Variants in ASMTL observed in about 807,000 individuals in gnomAD.
ASMTL encodes the protein acetylserotonin O-methyltransferase like, also known as probable bifunctional dTTP/UTP pyrophosphatase/methyltransferase protein.
Under a neutral mutation model 60.3 loss-of-function variants are expected in ASMTL, and 57 were observed. That is an observed-to-expected ratio of 0.95 (90% CI 0.76 to 1.18). The LOEUF (loss-of-function observed/expected upper bound fraction) is 1.18, where lower values mean the gene tolerates loss of function less well. ASMTL is among the 50% of genes most tolerant of loss of function. The pLI is 0.00. For missense variants in ASMTL, 981 were observed against 852.6 expected, an observed-to-expected ratio of 1.15 and a Z score of -1.88; for synonymous variants, 419 against 373.0, an observed-to-expected ratio of 1.12 and a Z score of -1.42.
intron 11 of ASMTL, among the ~76,000 whole-genome samples, chrX:1,415,899 C>T (rs2090228611): frequency 6.6e-6 from 1 of 152,062 alleles, no homozygotes; most frequent in African/African-American, 2.4e-5. Flanking sequence ...GAAATGCAGA[C>T]ACAAAGGCAC....
intron 1 of ASMTL, among the ~76,000 whole-genome samples, chrX:1,449,437 C>T (rs770022686): frequency 1.3e-5 from 2 of 151,946 alleles, no homozygotes; most frequent in East Asian, 3.9e-4. Flanking sequence ...ATCATGGAGA[C>T]CCATGCCTTC....
At chrX:1,419,804 G>A (rs2090423578) in intron 9 of ASMTL, among the ~76,000 whole-genome samples, 1 of 152,210 alleles carries the variant, frequency 6.6e-6, no homozygotes, top group Admixed American at 6.5e-5. Context: ...TGCGTGGGTG[G>A]CAATCATGGG....
rs1373281669 is a variant in ASMTL at position 1,439,189 on chromosome X, T to A, written c.226-45A>T. The stretch of plus-strand genomic sequence containing the variant: ...CGGTTTACCGGTGACGTGCCGTGGG[T>A]CTCACAGAGAAGTTTTCCCGTCGGT... On this transcript the variant is annotated intron_variant, in intron 2 of 12. Coordinates refer to ENST00000381317, the MANE Select transcript of ASMTL (RefSeq NM_004192.4). 5 of 1,605,602 alleles carry A rather than the reference T, an allele frequency of 3.1e-6. No homozygotes were observed. In the African/African-American group the frequency reaches 5.4e-5, roughly 17 times the overall value.
At chrX:1,416,073 A>G (rs1375977628) in intron 11 of ASMTL, among the ~76,000 whole-genome samples, 1 of 151,826 alleles carries the variant, frequency 6.6e-6, no homozygotes, top group African/African-American at 2.4e-5. Flanking sequence ...AGACATGCAC[A>G]GATGGGCACA....
chrX:1,413,207 G>A lies in ASMTL; in HGVS notation c.1523-353C>T, dbSNP rs184559443. On this transcript the variant is annotated intron_variant, in intron 11 of 12. Transcript: ENST00000381317. ...GCGAAACCCCATCTCTACTAAAAAT[G>A]CAAATTAGCTGGACAGGGGTGGCGG... is the stretch of plus-strand genomic sequence containing the variant. 2.1e-3 allele frequency: 502 copies of A among 234,448 alleles called. 3 individuals are homozygous for A. Among genetic ancestry groups the A allele is most frequent in the African/African-American group, 0.01 (464 of 45,344 alleles). 14.5% of individuals were successfully genotyped at this position (234,448 alleles called of 1,614,324 possible). A position where few individuals can be genotyped will look rare whatever the true frequency, so the allele number is the denominator to read the frequency against.
chrX:1,442,961 A>T (rs1394661848), intron 1 of ASMTL, among the ~76,000 whole-genome samples: 1 of 146,636 alleles, frequency 6.8e-6, no homozygotes, highest in Non-Finnish European at 1.5e-5. Context: ...CTCCCCTCTG[A>T]CCATCTCCCC....
At chrX:1,451,818 G>A (rs2091396466) in intron 1 of ASMTL, among the ~76,000 whole-genome samples, 1 of 144,834 alleles carries the variant, frequency 6.9e-6, no homozygotes, top group African/African-American at 2.6e-5. Context: ...CCCATGCCTG[G>A]GGGTCCCGGG....
At position 1,452,893 on chromosome X, in the gene ASMTL, T is replaced by TGCGCGCA; in HGVS notation, c.-60_-54dup. 7.3e-7 allele frequency: 1 copy of TGCGCGCA among 1,377,794 alleles called. No individual in the cohort carries two copies. Among genetic ancestry groups the TGCGCGCA allele is most frequent in the South Asian group, 1.3e-5 (1 of 75,016 alleles). The allele number at this position is 1,377,794 out of a possible 1,614,324, so 85.3% of individuals were successfully genotyped here. A position where few individuals can be genotyped will look rare whatever the true frequency, so the allele number is the denominator to read the frequency against. On this transcript the variant is annotated 5_prime_UTR_variant, in exon 1 of 13. Coordinates refer to ENST00000381317, the MANE Select transcript of ASMTL (RefSeq NM_004192.4). ...GCACTTCTGAGCCCGGAGCCCGCGG[T>TGCGCGCA]GCGCGCAGCGCGGCTGCAAAAAAAA...
intron 8 of ASMTL, among the ~76,000 whole-genome samples, chrX:1,424,738 A>ACATC (rs1161670192): frequency 5.2e-5 from 7 of 133,936 alleles, no homozygotes; most frequent in African/African-American, 2.0e-4. Context: ...TTCCATTCAC[A>ACATC]CATCCATCCA....
chrX:1,438,563 G>A (rs1354796622), intron 3 of ASMTL, among the ~76,000 whole-genome samples: 1 of 152,172 alleles, frequency 6.6e-6, no homozygotes, highest in African/African-American at 2.4e-5. Context: ...ACCCAGGCTG[G>A]AGTGCAGTGG....
chrX:1,434,632 C>T (rs1489358814), intron 5 of ASMTL, among the ~76,000 whole-genome samples: 2 of 151,366 alleles, frequency 1.3e-5, no homozygotes, highest in Admixed American at 1.3e-4. Flanking sequence ...GGTGAAACCC[C>T]GTCTCTACTA....
intron 9 of ASMTL, among the ~76,000 whole-genome samples, chrX:1,420,615 C>T (rs1260138635): frequency 6.6e-6 from 1 of 152,210 alleles, no homozygotes; most frequent in Non-Finnish European, 1.5e-5. Context: ...TGCACAGGCC[C>T]CACGGACCCC....
chrX:1,435,027 C>T lies in ASMTL; in HGVS notation c.395G>A (p.Ser132Asn). 6.2e-7 allele frequency: 1 copy of T among 1,613,896 alleles called. No individual in the cohort carries two copies. The highest frequency in any genetic ancestry group is 2.2e-5 in the East Asian group (1 of 44,870). Residue 132 changes from serine (S) to asparagine (N), a missense_variant, in exon 5 of 13, where the codon AGC becomes AAC. Physicochemically the swap from Ser to Asn is conservative, Grantham distance 46. Coordinates refer to ENST00000381317, the MANE Select transcript of ASMTL (RefSeq NM_004192.4). ...GAAACCTGGGCCGCGGTTACCTTTG[C>T]TGGAGCAGTGGACGATCGCGACACC... ...FTGVAIVHCS[S>N]KDHQLDTRVS...
intron 6 of ASMTL, 35 bp downstream of exon 6, chrX:1,432,234 G>GT: frequency 6.5e-7 from 1 of 1,536,804 alleles, no homozygotes. Flanking sequence ...GCTTCCACAC[G>GT]TGTCCCCCGT....
At chrX:1,436,390 T>C (rs2090965276) in intron 3 of ASMTL, among the ~76,000 whole-genome samples, 1 of 152,056 alleles carries the variant, frequency 6.6e-6, no homozygotes, top group East Asian at 1.9e-4. Flanking sequence ...TCTCGCTCTA[T>C]CACCCAGGCT....
intron 9 of ASMTL, among the ~76,000 whole-genome samples, chrX:1,420,049 C>T (rs1436510735): frequency 6.6e-6 from 1 of 151,074 alleles, no homozygotes; most frequent in African/African-American, 2.4e-5. Context: ...GTCTCTATGT[C>T]TGTCTCCTGT....
intron 12 of ASMTL, among the ~76,000 whole-genome samples, chrX:1,410,707 C>T (rs1346500766): frequency 6.6e-6 from 1 of 151,378 alleles, no homozygotes; most frequent in African/African-American, 2.4e-5. Flanking sequence ...CCACCGTGCC[C>T]GGTCTCAGAA....
intron 11 of ASMTL, chrX:1,413,729 TCCC>T (rs1328797661): frequency 6.6e-6 from 1 of 151,536 alleles, no homozygotes; most frequent in Non-Finnish European, 1.5e-5. Flanking sequence ...GAGTAGGGTG[TCCC>T]CTAAATCCAA....
chrX:1,441,300 G>A lies in ASMTL; in HGVS notation c.225+886C>T, dbSNP rs763064763. 2.3e-3 allele frequency among the ~76,000 whole-genome samples: 352 copies of A among 151,990 alleles called. 3 individuals are homozygous for A. The highest frequency in any genetic ancestry group is 8.2e-3 in the African/African-American group (341 of 41,472). The stretch of plus-strand genomic sequence containing the variant: ...TTTTAATTTTTTATTTTTTGGAGAC[G>A]AAGTCTTGCTCTGTTGCCTAAGTTG... On this transcript the variant is annotated intron_variant, in intron 2 of 12. Coordinates refer to ENST00000381317, the MANE Select transcript of ASMTL (RefSeq NM_004192.4).
Sources: gnomAD v4.1 joint callset for allele counts (sites outside exome capture counted in the v4.1 genomes callset) on GRCh38, gnomAD v4.1.1 for gene constraint, MANE v1.5 for transcripts, NCBI Gene and HGNC (gene_info 2026-07-23, HGNC 2026-07-21) for gene names.